The following PDZD2 variants were observed in gnomAD, a reference collection of about 807,000 sequenced individuals.
PDZD2 encodes the protein PDZ domain containing 2.
Under a neutral mutation model 220.7 loss-of-function variants are expected in PDZD2, and 90 were observed. That is an observed-to-expected ratio of 0.41 (90% CI 0.34 to 0.49). The LOEUF (loss-of-function observed/expected upper bound fraction) is 0.49. PDZD2 is among the 20% of genes least tolerant of loss of function. The pLI is 0.28. For missense variants in PDZD2, 3,174 were observed against 3,608.5 expected (o/e 0.88, Z 3.08); for synonymous variants, 1,375 against 1,450.5 (o/e 0.95, Z 1.18).
intron 2 of PDZD2, among the ~76,000 whole-genome samples, chr5:31,940,819 G>GC (rs1241312487): frequency 1.3e-5 from 2 of 152,216 alleles, no homozygotes; most frequent in Non-Finnish European, 2.9e-5. Flanking sequence ...GACCGCAGGG[G>GC]CAGAACATCA....
intron 2 of PDZD2, chr5:31,847,781 T>C (rs2150291887): frequency 1.7e-6 from 1 of 582,632 alleles, no homozygotes; most frequent in Non-Finnish European, 3.3e-6. Context: ...GGCTTGTCTA[T>C]CCCTTGCAGT....
At chr5:31,826,267 G>A (rs1276433859) in intron 2 of PDZD2, among the ~76,000 whole-genome samples, 1 of 152,096 alleles carries the variant, frequency 6.6e-6, no homozygotes, top group East Asian at 1.9e-4. Flanking sequence ...TCTCTACCTT[G>A]CTCAATGCCA....
chr5:31,910,573 A>G (rs1743097218), intron 2 of PDZD2, among the ~76,000 whole-genome samples: 1 of 151,776 alleles, frequency 6.6e-6, no homozygotes, highest in Non-Finnish European at 1.5e-5. Flanking sequence ...TTGTATTTTT[A>G]GTAGAGATGG....
chr5:32,109,596 A>AAAT lies in PDZD2; in HGVS notation c.*1462_*1464dup, dbSNP rs1269274177. The AAAT allele has an allele frequency of 6.6e-6, 1 of 152,264 alleles. No individual in the cohort carries two copies. The highest frequency in any genetic ancestry group is 1.9e-4 in the East Asian group (1 of 5,204). The allele number at this position is 152,264 out of a possible 1,614,324, so 9.4% of individuals were successfully genotyped here. On this transcript the variant is annotated 3_prime_UTR_variant, in exon 25 of 25. Transcript: ENST00000438447. ...AGGGTGAGTCAAGGTAAAGGAGCAG[A>AAAT]AATGTAGTTACAAGCCAGGTCGTCT...
At chr5:32,056,054 A>T (rs1739056974) in intron 10 of PDZD2, among the ~76,000 whole-genome samples, 1 of 152,250 alleles carries the variant, frequency 6.6e-6, no homozygotes, top group Non-Finnish European at 1.5e-5. Flanking sequence ...ATTGGAATGG[A>T]TTTCAACCTG....
chr5:31,668,058 T>C (rs1470498722), intron 1 of PDZD2, among the ~76,000 whole-genome samples: 1 of 152,006 alleles, frequency 6.6e-6, no homozygotes. Flanking sequence ...GACGGGGGTT[T>C]CACCATATTG....
At chr5:32,052,800 T>C (rs1282242033) in intron 9 of PDZD2, 70 bp downstream of exon 9, 4 of 1,509,010 alleles carry the variant, frequency 2.7e-6, no homozygotes, top group Non-Finnish European at 3.7e-6. Flanking sequence ...TTTTATTTTA[T>C]TTTATTTGTT....
chr5:32,042,364 C>T (rs1179490432), intron 7 of PDZD2, among the ~76,000 whole-genome samples: 5 of 148,348 alleles, frequency 3.4e-5, no homozygotes, highest in South Asian at 2.1e-4. Context: ...GAGTTCGAGA[C>T]GAGCCTGGTC....
rs941604992 is a variant in PDZD2, at chr5:32,110,302, C to A, written c.*2167C>A. 1 of 152,590 alleles carries A rather than the reference C, an allele frequency of 6.6e-6. No individual in the cohort carries two copies. Among genetic ancestry groups the A allele is most frequent in the Admixed American group, 6.5e-5 (1 of 15,274 alleles). 9.5% of individuals were successfully genotyped at this position (152,590 alleles called of 1,614,324 possible). The stretch of plus-strand genomic sequence containing the variant: ...CTCATATCTGGAGTACAAGGGTAGA[C>A]CTCTGGCTTACCACATACACTATGC... On this transcript the variant is annotated 3_prime_UTR_variant, in exon 25 of 25. Coordinates refer to ENST00000438447, the MANE Select transcript of PDZD2 (RefSeq NM_178140.4).
intron 1 of PDZD2, among the ~76,000 whole-genome samples, chr5:31,726,669 C>G (rs1224180712): frequency 6.6e-6 from 1 of 152,106 alleles, no homozygotes; most frequent in Non-Finnish European, 1.5e-5. Context: ...TGCAGGAGGA[C>G]AGAGGGTGGG....
intron 2 of PDZD2, among the ~76,000 whole-genome samples, chr5:31,825,825 T>C (rs1056451341): frequency 3.3e-5 from 5 of 152,230 alleles, no homozygotes; most frequent in Non-Finnish European, 7.3e-5. Flanking sequence ...TTTACGTATA[T>C]TGTATCTTAA....
At chr5:31,882,281 A>C (rs1450348437) in intron 2 of PDZD2, among the ~76,000 whole-genome samples, 1 of 152,166 alleles carries the variant, frequency 6.6e-6, no homozygotes, top group Admixed American at 6.6e-5. Context: ...TCACCTCCTT[A>C]AGTTCCCACA....
Position 31,783,084 on chromosome 5 carries a change from GAAGTTGGTTTAAACTTTATTTTAGATA to G in PDZD2, c.-360-15788_-360-15762del, listed in dbSNP as rs1753150116. 1.4e-4 allele frequency among the ~76,000 whole-genome samples: 22 copies of G among 152,230 alleles called. 1 individual carries two copies. In the South Asian group the frequency reaches 4.2e-3, roughly 29 times the overall value. On this transcript the variant is annotated intron_variant, in intron 1 of 24. Transcript: ENST00000438447. The stretch of plus-strand genomic sequence containing the variant: ...AGTTGGTTTAAACTTTATTTTAGAT[GAAGTTGGTTTAAACTTTATTTTAGATA>G]AAGTTGGTTTAAACTTGATTTATTG...
chr5:31,931,666 C>A (rs1226118788), intron 2 of PDZD2, among the ~76,000 whole-genome samples: 5 of 152,162 alleles, frequency 3.3e-5, no homozygotes, highest in African/African-American at 1.2e-4. Flanking sequence ...CTCCAAGGCC[C>A]ACCCTGGCCT....
At chr5:31,758,189 G>A (rs114229680) in intron 1 of PDZD2, among the ~76,000 whole-genome samples, 2,583 of 152,340 alleles carry the variant, frequency 0.017, 38 homozygotes, top group Non-Finnish European at 0.027. Context: ...CTTTTCAAGA[G>A]CCTGGACCTT....
At chr5:31,968,943 T>C (rs1471875965) in intron 2 of PDZD2, among the ~76,000 whole-genome samples, 1 of 152,186 alleles carries the variant, frequency 6.6e-6, no homozygotes, top group Non-Finnish European at 1.5e-5. Context: ...TTTGGAGCTT[T>C]TGTTAATGAG....
chr5:31,810,419 C>T lies in PDZD2; in HGVS notation c.476+10695C>T, dbSNP rs564573729. On this transcript the variant is annotated intron_variant, in intron 2 of 24. Coordinates refer to ENST00000438447, the MANE Select transcript of PDZD2 (RefSeq NM_178140.4). The stretch of plus-strand genomic sequence containing the variant: ...CTGGGACTACAGGTGCCCACCACCA[C>T]GCCTCACTAAATTTTTGTATATTTT... Among the ~76,000 whole-genome samples, 410 of 152,072 alleles carry T rather than the reference C, an allele frequency of 2.7e-3. 1 individual carries two copies. The highest frequency in any genetic ancestry group is 9.3e-3 in the African/African-American group (384 of 41,466).
At chr5:31,666,752 G>A (rs576536449) in intron 1 of PDZD2, among the ~76,000 whole-genome samples, 7 of 152,338 alleles carry the variant, frequency 4.6e-5, no homozygotes, top group African/African-American at 1.7e-4. Context: ...TGAGCGTAAT[G>A]ATAAATGCAG....
chr5:31,776,718 G>A (rs141760232), intron 1 of PDZD2, among the ~76,000 whole-genome samples: 1 of 151,550 alleles, frequency 6.6e-6, no homozygotes, highest in African/African-American at 2.4e-5. Context: ...GTGCAGTCTT[G>A]GCTCACTGTA....
Sources: allele counts gnomAD v4.1 joint callset (sites outside exome capture counted in the v4.1 genomes callset), GRCh38; gene constraint gnomAD v4.1.1; transcripts MANE v1.5; gene names NCBI Gene and HGNC (gene_info 2026-07-23, HGNC 2026-07-21).